The following SORCS2 variants were observed in gnomAD, a reference collection of about 807,000 sequenced individuals.
The protein encoded by SORCS2 is sortilin related VPS10 domain containing receptor 2.
A neutral mutation model predicts 141.6 loss-of-function variants in SORCS2; 100 were observed. The observed-to-expected ratio is 0.71, with a 90% CI of 0.60 to 0.83. The LOEUF (loss-of-function observed/expected upper bound fraction) is 0.83, where lower values mean the gene tolerates loss of function less well. SORCS2 is among the 40% of genes least tolerant of loss of function. The pLI is 0.00. For missense variants in SORCS2, 1,646 were observed against 1,560.2 expected, an observed-to-expected ratio of 1.05 and a Z score of -0.93; for synonymous variants, 789 against 676.9, an observed-to-expected ratio of 1.17 and a Z score of -2.57.
intron 14 of SORCS2, among the ~76,000 whole-genome samples, 182 bp from the exon 15 acceptor site, chr4:7,712,551 C>A (rs758627563): frequency 2.0e-5 from 3 of 152,216 alleles, no homozygotes; most frequent in Non-Finnish European, 4.4e-5. Flanking sequence ...CTACAGAGCA[C>A]GTGTGCAGGG....
At chr4:7,242,950 G>A (rs1169877301) in intron 1 of SORCS2, among the ~76,000 whole-genome samples, 3 of 152,224 alleles carry the variant, frequency 2.0e-5, no homozygotes, top group African/African-American at 7.2e-5. Context: ...GCACTGGGGC[G>A]CCCATGGTGG....
chr4:7,434,201 A>G (rs1727111120), intron 2 of SORCS2: 1 of 1,613,834 alleles, frequency 6.2e-7, no homozygotes, highest in Non-Finnish European at 8.5e-7. Context: ...TGGAAGAGGT[A>G]GTTCTTGCAG....
chr4:7,424,693 G>A (rs780871873), intron 2 of SORCS2, among the ~76,000 whole-genome samples: 2 of 152,182 alleles, frequency 1.3e-5, no homozygotes, highest in Non-Finnish European at 2.9e-5. Context: ...TCCCTGTGCC[G>A]GGGCTCTCAG....
rs1000828494 is a variant in SORCS2, at chr4:7,740,467, G to A, written c.*203G>A. The stretch of plus-strand genomic sequence containing the variant: ...CCCACGGGACCCCCCGGGACTCCCC[G>A]GACATGGCCCTGCCCCTATGGGACA... On this transcript the variant is annotated 3_prime_UTR_variant, in exon 27 of 27. Coordinates refer to ENST00000507866, the MANE Select transcript of SORCS2 (RefSeq NM_020777.3). The A allele has an allele frequency of 6.8e-5, 40 of 586,960 alleles. No individual in the cohort carries two copies. Among genetic ancestry groups the A allele is most frequent in the Admixed American group, 1.5e-4 (5 of 33,836 alleles). 36.4% of individuals were successfully genotyped at this position (586,960 alleles called of 1,614,324 possible).
At chr4:7,216,369 A>G (rs886969154) in intron 1 of SORCS2, among the ~76,000 whole-genome samples, 8 of 152,194 alleles carry the variant, frequency 5.3e-5, no homozygotes, top group South Asian at 2.1e-4. Flanking sequence ...GCCACAGACA[A>G]TTCACTCAAG....
At chr4:7,478,025 G>A (rs1303774455) in intron 2 of SORCS2, among the ~76,000 whole-genome samples, 1 of 152,176 alleles carries the variant, frequency 6.6e-6, no homozygotes, top group African/African-American at 2.4e-5. Context: ...GAGCCCCAGG[G>A]CCCATCCCCA....
intron 1 of SORCS2, among the ~76,000 whole-genome samples, chr4:7,323,870 T>C (rs1719064372): frequency 6.6e-6 from 1 of 151,946 alleles, no homozygotes; most frequent in Non-Finnish European, 1.5e-5. Context: ...GGCACGTCAT[T>C]CCAGCTTCAG....
chr4:7,295,882 C>T (rs1717017523), intron 1 of SORCS2, among the ~76,000 whole-genome samples: 1 of 152,226 alleles, frequency 6.6e-6, no homozygotes, highest in South Asian at 2.1e-4. Context: ...AGTAGGTGAT[C>T]AGTGTGGAGA....
At position 7,272,743 on chromosome 4, in the gene SORCS2, A is replaced by G. The variant is rs900407635; in HGVS notation, c.480+79617A>G. 5.2e-5 allele frequency among the ~76,000 whole-genome samples: 8 copies of G among 152,398 alleles called. No homozygotes were observed. The South Asian group carries it at 1.7e-3, about 32-fold the overall frequency. On this transcript the variant is annotated intron_variant, in intron 1 of 26. Transcript: ENST00000507866. ...GGAACAATACCATCCGCGGCATTGC[A>G]GCCATCAATAATCGCAATCAGATCT...
chr4:7,238,683 G>A (rs1016776483), intron 1 of SORCS2, among the ~76,000 whole-genome samples: 8 of 152,206 alleles, frequency 5.3e-5, no homozygotes, highest in Admixed American at 1.3e-4. Flanking sequence ...GATTAGGAGC[G>A]TGAGCTGCTG....
At chr4:7,513,232 C>T (rs1410211715) in intron 2 of SORCS2, among the ~76,000 whole-genome samples, 1 of 152,202 alleles carries the variant, frequency 6.6e-6, no homozygotes, top group East Asian at 1.9e-4. Context: ...ATACCGTGCG[C>T]TACAGGTGTC....
At chr4:7,625,710 G>T (rs1719473562) in intron 3 of SORCS2, among the ~76,000 whole-genome samples, 1 of 151,872 alleles carries the variant, frequency 6.6e-6, no homozygotes. Context: ...ATGGAGGGGT[G>T]AGATGAAGGA....
intron 3 of SORCS2, among the ~76,000 whole-genome samples, chr4:7,548,508 GGCATACAA>G (rs1422278206): frequency 2.6e-5 from 4 of 152,300 alleles, no homozygotes; most frequent in Admixed American, 6.5e-5. Context: ...GGGGGTTGGT[GGCATACAA>G]GCGTTATCAT....
intron 18 of SORCS2, among the ~76,000 whole-genome samples, chr4:7,718,548 T>G (rs1205718674): frequency 6.6e-6 from 1 of 152,216 alleles, no homozygotes; most frequent in African/African-American, 2.4e-5. Context: ...AAGCCTGTAA[T>G]TATATTGATT....
At chr4:7,521,546 C>T (rs744356) in intron 2 of SORCS2, among the ~76,000 whole-genome samples, 110,550 of 152,108 alleles carry the variant, frequency 0.73, 40,675 homozygotes, top group East Asian at 0.99. Context: ...GGTACCTCTT[C>T]GCGGGTTCTG....
chr4:7,552,620 G>GC (rs1311955134), intron 3 of SORCS2, among the ~76,000 whole-genome samples: 3 of 152,160 alleles, frequency 2.0e-5, no homozygotes, highest in Non-Finnish European at 2.9e-5. Flanking sequence ...GGATACCCTG[G>GC]CCCCCCACAG....
chr4:7,720,824 G>A (rs1292803062), intron 18 of SORCS2, among the ~76,000 whole-genome samples: 1 of 152,232 alleles, frequency 6.6e-6, no homozygotes, highest in Non-Finnish European at 1.5e-5. Context: ...ATTAAAAATA[G>A]CGCCAGCATG....
intron 1 of SORCS2, among the ~76,000 whole-genome samples, chr4:7,359,602 C>T (rs946991382): frequency 5.9e-5 from 9 of 152,200 alleles, no homozygotes; most frequent in Admixed American, 3.9e-4. Flanking sequence ...TCCAACGATT[C>T]GCTCCCAAGA....
chr4:7,547,800 G>T (rs114680589), intron 3 of SORCS2, among the ~76,000 whole-genome samples: 3,345 of 152,318 alleles, frequency 0.022, 123 homozygotes, highest in African/African-American at 0.076. Context: ...ATGCACCCCA[G>T]GGCAGGAACT....
Sources: gnomAD v4.1 joint callset for allele counts (sites outside exome capture counted in the v4.1 genomes callset) on GRCh38, gnomAD v4.1.1 for gene constraint, MANE v1.5 for transcripts, NCBI Gene and HGNC (gene_info 2026-07-23, HGNC 2026-07-21) for gene names.